Variants in PTPRG observed in about 807,000 individuals in gnomAD.
PTPRG encodes the protein protein tyrosine phosphatase receptor type G.
In PTPRG, 102 loss-of-function variants were observed where a neutral mutation model predicts 165.3. The observed-to-expected ratio is 0.62, with a 90% CI of 0.53 to 0.73. PTPRG has a LOEUF of 0.73. Ranked by LOEUF, PTPRG falls within the 30% of genes least tolerant of loss-of-function variation. The pLI, the probability that PTPRG is intolerant of heterozygous loss-of-function variation, is 0.00. For missense variants in PTPRG, 1,866 were observed against 1,861.4 expected (o/e 1.00, Z -0.05); for synonymous variants, 675 against 669.5 (o/e 1.01, Z -0.13).
chr3:61,936,245 T>A (rs2039481501), intron 2 of PTPRG, among the ~76,000 whole-genome samples: 1 of 152,204 alleles, frequency 6.6e-6, no homozygotes, highest in African/African-American at 2.4e-5. Context: ...GGAATTTTGT[T>A]ACAGCAGCAC....
At chr3:61,938,189 ATGTATGTT>A in intron 2 of PTPRG, among the ~76,000 whole-genome samples, 1 of 147,656 alleles carries the variant, frequency 6.8e-6, no homozygotes, top group East Asian at 2.0e-4. Context: ...AAGCTTTAAC[ATGTATGTT>A]TGTTTTCTGG....
At chr3:61,643,389 C>T (rs991617073) in intron 1 of PTPRG, among the ~76,000 whole-genome samples, 4 of 152,112 alleles carry the variant, frequency 2.6e-5, no homozygotes, top group Non-Finnish European at 4.4e-5. Context: ...AAAATCTGGG[C>T]ATTTGGAGAT....
At chr3:61,621,051 ATGTGTGTGTG>A (rs1173192341) in intron 1 of PTPRG, among the ~76,000 whole-genome samples, 3 of 117,996 alleles carry the variant, frequency 2.5e-5, no homozygotes, top group African/African-American at 8.9e-5. Flanking sequence ...ATATATATAT[ATGTGTGTGTG>A]TGTGTGTGTG....
intron 2 of PTPRG, among the ~76,000 whole-genome samples, chr3:61,752,780 T>G: frequency 1.3e-4 from 1 of 7,476 alleles, no homozygotes; most frequent in Non-Finnish European, 2.9e-4. Flanking sequence ...AGAGCAAGAC[T>G]GTCTCAAAAA....
At chr3:62,036,894 C>A (rs964627914) in intron 4 of PTPRG, among the ~76,000 whole-genome samples, 1 of 152,126 alleles carries the variant, frequency 6.6e-6, no homozygotes, top group Non-Finnish European at 1.5e-5. Flanking sequence ...TGGGATGACA[C>A]ATCTGTGCAC....
intron 5 of PTPRG, among the ~76,000 whole-genome samples, chr3:62,101,105 T>A (rs1702276288): frequency 6.6e-6 from 1 of 151,896 alleles, no homozygotes; most frequent in African/African-American, 2.4e-5. Context: ...ATTGGAGGAG[T>A]GTGAGGATGT....
At chr3:61,569,225 T>C (rs758772077) in intron 1 of PTPRG, among the ~76,000 whole-genome samples, 4 of 152,202 alleles carry the variant, frequency 2.6e-5, no homozygotes, top group Non-Finnish European at 4.4e-5. Context: ...TTGAGAGTTA[T>C]ACAGAACATA....
chr3:62,182,745 C>T (rs370887862), intron 8 of PTPRG, among the ~76,000 whole-genome samples: 2 of 152,298 alleles, frequency 1.3e-5, no homozygotes, highest in Admixed American at 1.3e-4. Flanking sequence ...CTGCAACCTC[C>T]GTCTTCCAGG....
intron 8 of PTPRG, among the ~76,000 whole-genome samples, chr3:62,183,225 G>A (rs1437969828): frequency 6.6e-6 from 1 of 152,200 alleles, no homozygotes; most frequent in Non-Finnish European, 1.5e-5. Context: ...TGTTCTAACA[G>A]CCCAGAGCTG....
chr3:62,186,567 C>CTTTTTTTTTTT (rs35133425), intron 8 of PTPRG, among the ~76,000 whole-genome samples: 1,318 of 117,254 alleles, frequency 0.011, 56 homozygotes, highest in African/African-American at 0.022. Flanking sequence ...TTTTCTTTTC[C>CTTTTTTTTTTT]TTTTTTTTTT....
At position 62,089,693 on chromosome 3, in the gene PTPRG, A is replaced by G. The variant is rs552991525; in HGVS notation, c.615+11435A>G. On this transcript the variant is annotated intron_variant, in intron 5 of 29. Transcript: ENST00000474889. ...CATAGCTGTGCATTCACTCACCTCA[A>G]CAAGCTGGTACAGCAAATTCTATTT... 7.2e-5 allele frequency among the ~76,000 whole-genome samples: 11 copies of G among 152,300 alleles called. No homozygotes were observed. The South Asian group carries it at 1.7e-3, about 23-fold the overall frequency.
At position 62,195,161 on chromosome 3, in the gene PTPRG, C is replaced by T. The variant is rs750425500; in HGVS notation, c.1318C>T (p.Leu440=). 1 of 1,614,172 alleles carries T rather than the reference C, an allele frequency of 6.2e-7. No individual in the cohort carries two copies. The change falls in exon 10 of 30, where the codon CTG becomes TTG. Residue 440 remains leucine, a synonymous_variant. Transcript: ENST00000474889. The surrounding 1 kb of genome is among the most constrained non-coding windows in gnomAD (Gnocchi z 4.4). Reference sequence around the variant, plus strand: ...GCGCAGCGACTTTAGCCAGACGATGCTGTTTCAAGGTGAGGCTGGCTTCCC... The same window carrying T: ...GCGCAGCGACTTTAGCCAGACGATGTTGTTTCAAGGTGAGGCTGGCTTCCC... ...DMRSDFSQTM[L]FQANTTRIFQ...
At chr3:61,643,059 G>A (rs192742637) in intron 1 of PTPRG, among the ~76,000 whole-genome samples, 29 of 152,306 alleles carry the variant, frequency 1.9e-4, no homozygotes, top group Admixed American at 1.7e-3. Flanking sequence ...GCCTATTCCA[G>A]ACTGACCAAA....
intron 1 of PTPRG, among the ~76,000 whole-genome samples, chr3:61,705,511 G>T (rs1452276022): frequency 6.7e-6 from 1 of 148,850 alleles, no homozygotes; most frequent in Non-Finnish European, 1.5e-5. Context: ...GATGTTTAAA[G>T]AAAAAAAAAA....
intron 16 of PTPRG, among the ~76,000 whole-genome samples, chr3:62,261,312 A>C (rs958634517): frequency 6.6e-6 from 1 of 152,240 alleles, no homozygotes; most frequent in African/African-American, 2.4e-5. Flanking sequence ...AGCATGGCTC[A>C]GAGCTTATAA....
intron 8 of PTPRG, among the ~76,000 whole-genome samples, chr3:62,184,480 C>A (rs1311970406): frequency 6.6e-6 from 1 of 152,218 alleles, no homozygotes; most frequent in Non-Finnish European, 1.5e-5. Context: ...GAGGCCATTT[C>A]TCTGGAAATT....
chr3:62,241,652 C>T (rs946993196), intron 14 of PTPRG, among the ~76,000 whole-genome samples: 2 of 151,990 alleles, frequency 1.3e-5, no homozygotes, highest in Non-Finnish European at 2.9e-5. Context: ...AAAAAATCTA[C>T]AATATAGTAT....
chr3:61,954,761 G>C (rs928097690), intron 2 of PTPRG, among the ~76,000 whole-genome samples: 1 of 152,178 alleles, frequency 6.6e-6, no homozygotes. Context: ...GAAATGTTTT[G>C]TGGTGATATT....
intron 4 of PTPRG, among the ~76,000 whole-genome samples, chr3:62,009,308 C>T (rs921903735): frequency 1.3e-5 from 2 of 152,162 alleles, no homozygotes; most frequent in African/African-American, 2.4e-5. Flanking sequence ...TTCTCTCTTC[C>T]TCCTCCTGTC....
Sources: gnomAD v4.1 joint callset for allele counts (sites outside exome capture counted in the v4.1 genomes callset) on GRCh38, gnomAD v4.1.1 for gene constraint, Gnocchi (gnomAD v3.1) non-coding constraint, MANE v1.5 for transcripts, NCBI Gene and HGNC (gene_info 2026-07-23, HGNC 2026-07-21) for gene names.